The following EPHB2 variants were observed in gnomAD, a reference collection of about 807,000 sequenced individuals.
EPHB2 encodes EPH receptor B2.
EPHB2 carries 18 observed loss-of-function variants against 96.4 expected under a neutral mutation model. That is an observed-to-expected ratio of 0.19 (90% CI 0.13 to 0.28). EPHB2 has a LOEUF of 0.28. EPHB2 is among the 10% of genes least tolerant of loss of function. The probability of loss-of-function intolerance (pLI) is 1.00; values close to 1 mark genes in which losing one functional copy is unlikely to be tolerated. For synonymous variants in EPHB2, 506 were observed against 534.1 expected (o/e 0.95, Z 0.72); for missense variants, 989 against 1,355.4 (o/e 0.73, Z 4.25).
intron 1 of EPHB2, among the ~76,000 whole-genome samples, chr1:22,740,158 C>T (rs114389531): frequency 0.01 from 1,581 of 152,294 alleles, 30 homozygotes; most frequent in African/African-American, 0.037. Context: ...TTTTCAGTGG[C>T]ACCAATGCAG....
chr1:22,810,010 G>A (rs1276413364), intron 3 of EPHB2, among the ~76,000 whole-genome samples: 1 of 152,200 alleles, frequency 6.6e-6, no homozygotes, highest in South Asian at 2.1e-4. Context: ...ATAGGAGTCT[G>A]CCTGGTGGAG....
Position 22,892,997 on chromosome 1 carries a change from A to T in EPHB2, c.1542A>T (p.Ala514=), listed in dbSNP as rs367743248. 20 of 1,614,084 alleles carry T rather than the reference A, an allele frequency of 1.2e-5. No homozygotes were observed. In the African/African-American group the frequency reaches 2.7e-4, roughly 22 times the overall value. ...YVFQVRARTV[A]GYGRYSGKMY... ...TCCAGGTGCGGGCACGCACCGTGGC[A>T]GGTTACGGGCGCTACAGCGGCAAGA... is the stretch of plus-strand genomic sequence containing the variant. Residue 514 remains alanine (A), a synonymous_variant, in exon 7 of 16, where the codon GCA becomes GCT. Transcript: ENST00000374630.
intron 3 of EPHB2, among the ~76,000 whole-genome samples, chr1:22,805,639 C>G (rs571744712): frequency 1.2e-4 from 18 of 152,264 alleles, no homozygotes; most frequent in South Asian, 1.0e-3. Context: ...CCAGGGTCAG[C>G]AAGGAGCGGG....
intron 5 of EPHB2, among the ~76,000 whole-genome samples, chr1:22,872,243 C>A (rs1638694448): frequency 6.6e-6 from 1 of 152,120 alleles, no homozygotes; most frequent in Non-Finnish European, 1.5e-5. Flanking sequence ...TTCCACAGAA[C>A]CCTGACATCT....
intron 1 of EPHB2, among the ~76,000 whole-genome samples, chr1:22,764,154 T>G (rs1644274114): frequency 6.6e-6 from 1 of 152,192 alleles, no homozygotes; most frequent in South Asian, 2.1e-4. Context: ...CTGTCTCCCA[T>G]AGATGAGAAA....
intron 3 of EPHB2, among the ~76,000 whole-genome samples, chr1:22,823,949 G>T (rs1027652665): frequency 6.6e-6 from 1 of 152,260 alleles, no homozygotes; most frequent in African/African-American, 2.4e-5. Context: ...ACTATGTGGA[G>T]AGAAGACCCA....
intron 1 of EPHB2, among the ~76,000 whole-genome samples, chr1:22,757,280 C>T (rs377354744): frequency 6.6e-6 from 1 of 151,894 alleles, no homozygotes; most frequent in East Asian, 1.9e-4. Flanking sequence ...GGGGAGACCC[C>T]ACATGGATGA....
At chr1:22,806,208 T>C (rs973551692) in intron 3 of EPHB2, among the ~76,000 whole-genome samples, 1 of 152,246 alleles carries the variant, frequency 6.6e-6, no homozygotes, top group Non-Finnish European at 1.5e-5. Flanking sequence ...GCAAACACTT[T>C]ATAACTCAGT....
intron 1 of EPHB2, among the ~76,000 whole-genome samples, chr1:22,712,644 T>C (rs1391852556): frequency 1.3e-5 from 2 of 152,132 alleles, no homozygotes; most frequent in East Asian, 3.9e-4. Flanking sequence ...CTTCGGCTCC[T>C]GGGGGATTTG....
chr1:22,754,022 G>C (rs1180501273), intron 1 of EPHB2, among the ~76,000 whole-genome samples: 1 of 152,134 alleles, frequency 6.6e-6, no homozygotes, highest in Non-Finnish European at 1.5e-5. Flanking sequence ...AAGACACTTA[G>C]ATTCGTGATC....
rs560490803 is a variant in EPHB2, at chr1:22,715,373, C to A, written c.61+4330C>A. ...GCCACTGTGTGCTAGGTAGACAAGTCCACTTCTGATGGGGGGTGGGGGAAG... is the reference window on the plus strand; with the variant it reads ...GCCACTGTGTGCTAGGTAGACAAGTACACTTCTGATGGGGGGTGGGGGAAG... On this transcript the variant is annotated intron_variant, in intron 1 of 15. Transcript: ENST00000374630. 2.0e-5 allele frequency among the ~76,000 whole-genome samples: 3 copies of A among 152,212 alleles called. No individual in the cohort carries two copies. In the South Asian group the frequency reaches 6.2e-4, roughly 32 times the overall value.
chr1:22,748,827 T>C (rs7515292), intron 1 of EPHB2, among the ~76,000 whole-genome samples: 8,941 of 148,944 alleles, frequency 0.06, 770 homozygotes, highest in African/African-American at 0.19. Flanking sequence ...AGAAATAATA[T>C]TAGGTTGGTG....
rs192483807 is a variant in EPHB2 at position 22,905,645 on chromosome 1, G to A, written c.1766-342G>A. On this transcript the variant is annotated intron_variant, in intron 9 of 15. Coordinates refer to ENST00000374630, the MANE Select transcript of EPHB2 (RefSeq NM_017449.5). ...ACCCCTTGATTCTGTATCACCTATC[G>A]ATCCGTTTATCCATCTGTGCCCATG... 2.7e-4 allele frequency among the ~76,000 whole-genome samples: 41 copies of A among 152,158 alleles called. 1 individual carries two copies. The East Asian group carries it at 7.0e-3, about 26-fold the overall frequency.
chr1:22,833,779 T>A (rs4654821), intron 3 of EPHB2, among the ~76,000 whole-genome samples: 1 of 151,990 alleles, frequency 6.6e-6, no homozygotes, highest in African/African-American at 2.4e-5. Context: ...GGTTCAAAAC[T>A]GTTAAAAAAC....
intron 3 of EPHB2, among the ~76,000 whole-genome samples, chr1:22,801,863 C>T (rs1223738373): frequency 6.6e-6 from 1 of 152,232 alleles, no homozygotes; most frequent in East Asian, 1.9e-4. Flanking sequence ...TGATTCTCCT[C>T]TACCCAGCGT....
At chr1:22,852,900 T>G (rs1200336121) in intron 3 of EPHB2, among the ~76,000 whole-genome samples, 1 of 151,846 alleles carries the variant, frequency 6.6e-6, no homozygotes. Flanking sequence ...GGAGGGGAGA[T>G]GGGAGGTGGA....
At chr1:22,768,946 A>G (rs907805243) in intron 1 of EPHB2, among the ~76,000 whole-genome samples, 1 of 152,076 alleles carries the variant, frequency 6.6e-6, no homozygotes, top group South Asian at 2.1e-4. Context: ...AGTCTCCTCT[A>G]ACCTCCAGGC....
rs551693146 is a variant in EPHB2 at position 22,906,641 on chromosome 1, C to T, written c.1889-69C>T. 8.1e-6 allele frequency: 13 copies of T among 1,609,210 alleles called. No individual in the cohort carries two copies. The African/African-American group carries it at 1.5e-4, about 18-fold the overall frequency. ...CTGCAGGCCCCGTGAGTGGACATGACAGGGAACAGGAAGGTGGCCCTTCCA... is the reference window on the plus strand; with the variant it reads ...CTGCAGGCCCCGTGAGTGGACATGATAGGGAACAGGAAGGTGGCCCTTCCA... On this transcript the variant is annotated intron_variant, in intron 10 of 15. Coordinates refer to ENST00000374630, the MANE Select transcript of EPHB2 (RefSeq NM_017449.5). This position sits in a 1 kb window ranked among gnomAD's most constrained non-coding sequence, Gnocchi z 4.8.
At chr1:22,716,020 A>G (rs1178854945) in intron 1 of EPHB2, among the ~76,000 whole-genome samples, 1 of 152,156 alleles carries the variant, frequency 6.6e-6, no homozygotes, top group African/African-American at 2.4e-5. Context: ...TCCAGGCACC[A>G]GATCAGCCTT....
Sources: gnomAD v4.1 joint callset for allele counts (sites outside exome capture counted in the v4.1 genomes callset) on GRCh38, gnomAD v4.1.1 for gene constraint, Gnocchi (gnomAD v3.1) non-coding constraint, MANE v1.5 for transcripts, NCBI Gene and HGNC (gene_info 2026-07-23, HGNC 2026-07-21) for gene names.